The following RGL1 variants were observed in gnomAD, a reference collection of about 807,000 sequenced individuals.
The protein encoded by RGL1 is ral guanine nucleotide dissociation stimulator-like 1.
Under a neutral mutation model 95.2 loss-of-function variants are expected in RGL1, and 24 were observed. The observed-to-expected ratio is 0.25, with a 90% CI of 0.18 to 0.35. The LOEUF (loss-of-function observed/expected upper bound fraction) is 0.35, where lower values mean the gene tolerates loss of function less well. RGL1 is among the 10% of genes least tolerant of loss of function. RGL1 has a pLI of 1.00. For missense variants in RGL1, 715 were observed against 936.3 expected, an observed-to-expected ratio of 0.76 and a Z score of 3.08; for synonymous variants, 329 against 344.9, an observed-to-expected ratio of 0.95 and a Z score of 0.51.
chr1:183,704,336 G>GAA (rs1229324398), intron 1 of RGL1, among the ~76,000 whole-genome samples: 1 of 152,126 alleles, frequency 6.6e-6, no homozygotes, highest in Non-Finnish European at 1.5e-5. Context: ...GCACTATGTG[G>GAA]AATGCATAAT....
chr1:183,760,066 AAATTT>A (rs1402901061), intron 2 of RGL1, among the ~76,000 whole-genome samples: 1 of 152,146 alleles, frequency 6.6e-6, no homozygotes, highest in Non-Finnish European at 1.5e-5. Context: ...TAAGTCACAT[AAATTT>A]TTTTTTGTTT....
At position 183,891,212 on chromosome 1, in the gene RGL1, A is replaced by G. The variant is rs975792645; in HGVS notation, c.1056-865A>G. Among the ~76,000 whole-genome samples, 3 of 152,290 alleles carry G rather than the reference A, an allele frequency of 2.0e-5. No individual in the cohort carries two copies. In the South Asian group the frequency reaches 6.2e-4, roughly 32 times the overall value. On this transcript the variant is annotated intron_variant, in intron 8 of 17. Coordinates refer to ENST00000360851, the MANE Select transcript of RGL1 (RefSeq NM_001297671.3). Reference sequence around the variant, plus strand: ...GCTCTTAATAATGGTTTTTTTCATAATAATGAAAATGTTGCATATATAGTG... The same window carrying G: ...GCTCTTAATAATGGTTTTTTTCATAGTAATGAAAATGTTGCATATATAGTG...
At chr1:183,735,372 T>G (rs1656876512) in intron 1 of RGL1, among the ~76,000 whole-genome samples, 1 of 152,200 alleles carries the variant, frequency 6.6e-6, no homozygotes, top group Admixed American at 6.5e-5. Flanking sequence ...TGTTGAATGC[T>G]TAATTCCTTC....
At chr1:183,911,132 C>T (rs1668618850) in intron 14 of RGL1, among the ~76,000 whole-genome samples, 1 of 151,440 alleles carries the variant, frequency 6.6e-6, no homozygotes, top group Admixed American at 6.6e-5. Context: ...GCAAGATTTT[C>T]TTTTTTTTTA....
intron 1 of RGL1, among the ~76,000 whole-genome samples, chr1:183,666,622 G>A (rs529709378): frequency 5.9e-5 from 9 of 152,190 alleles, no homozygotes; most frequent in African/African-American, 2.2e-4. Flanking sequence ...ACAAAGTGCT[G>A]GGATTACAGG....
chr1:183,643,262 T>TTTTATTTATTTA (rs374025637), intron 1 of RGL1, among the ~76,000 whole-genome samples: 557 of 136,424 alleles, frequency 4.1e-3, no homozygotes, highest in Middle Eastern at 7.5e-3. Flanking sequence ...GGTCCTGTTT[T>TTTTATTTATTTA]TTTATTTATT....
chr1:183,800,529 G>T (rs1325154121), upstream of RGL1, among the ~76,000 whole-genome samples: 1 of 152,074 alleles, frequency 6.6e-6, no homozygotes, highest in Non-Finnish European at 1.5e-5. Context: ...CTTAAATATA[G>T]ATCTTCCCCT....
At chr1:183,829,549 G>C (rs192433586) in intron 2 of RGL1, among the ~76,000 whole-genome samples, 8 of 150,974 alleles carry the variant, frequency 5.3e-5, no homozygotes, top group African/African-American at 1.7e-4. Flanking sequence ...TTTTCATACA[G>C]TTCATTCTTC....
intron 2 of RGL1, among the ~76,000 whole-genome samples, chr1:183,780,179 T>C (rs555574151): frequency 6.6e-6 from 1 of 152,310 alleles, no homozygotes; most frequent in Admixed American, 6.5e-5. Context: ...GAAATGTGGG[T>C]TCATAATGTT....
chr1:183,784,608 C>T (rs781120046), intron 2 of RGL1, among the ~76,000 whole-genome samples: 3 of 152,142 alleles, frequency 2.0e-5, no homozygotes, highest in African/African-American at 4.8e-5. Context: ...GACTGACCTT[C>T]GACGCTGGGT....
chr1:183,906,932 A>G, intron 13 of RGL1, 80 bp from the exon 14 acceptor site: 1 of 825,342 alleles, frequency 1.2e-6, no homozygotes, highest in Admixed American at 2.0e-5. Flanking sequence ...CTCTAAAACA[A>G]AACCAGGACA....
chr1:183,796,900 T>A (rs1261750171), intron 2 of RGL1, among the ~76,000 whole-genome samples: 1 of 152,224 alleles, frequency 6.6e-6, no homozygotes, highest in Non-Finnish European at 1.5e-5. Flanking sequence ...TGGACAAATT[T>A]CTGGCTGGCT....
At chr1:183,775,227 G>A (rs539487362) in intron 2 of RGL1, among the ~76,000 whole-genome samples, 22 of 152,038 alleles carry the variant, frequency 1.4e-4, no homozygotes, top group East Asian at 3.9e-4. Flanking sequence ...CTGGTGTTTC[G>A]GTAACATATT....
At chr1:183,700,529 T>C (rs1654528259) in intron 1 of RGL1, among the ~76,000 whole-genome samples, 1 of 150,870 alleles carries the variant, frequency 6.6e-6, no homozygotes, top group Non-Finnish European at 1.5e-5. Context: ...GTTTGCTGCA[T>C]CTATCAACCT....
intron 4 of RGL1, among the ~76,000 whole-genome samples, chr1:183,871,860 A>G (rs969073495): frequency 3.3e-5 from 5 of 152,130 alleles, no homozygotes; most frequent in African/African-American, 1.2e-4. Context: ...CAATGTCAGG[A>G]CCCTCTAAAG....
At chr1:183,924,996 TTAAA>T (rs887506638) in intron 17 of RGL1, among the ~76,000 whole-genome samples, 8 of 151,886 alleles carry the variant, frequency 5.3e-5, no homozygotes, top group East Asian at 3.9e-4. Context: ...AATAAATAAC[TTAAA>T]TAAATAAAAT....
chr1:183,861,804 G>A (rs1399120174), intron 3 of RGL1, among the ~76,000 whole-genome samples: 2 of 152,134 alleles, frequency 1.3e-5, no homozygotes, highest in Non-Finnish European at 2.9e-5. Flanking sequence ...CTATTCTATG[G>A]CCATTAATTA....
intron 2 of RGL1, among the ~76,000 whole-genome samples, chr1:183,818,737 C>T (rs569280814): frequency 1.3e-5 from 2 of 152,212 alleles, no homozygotes; most frequent in South Asian, 2.1e-4. Flanking sequence ...ATTGTTTGGC[C>T]TTATCTTTAT....
intron 2 of RGL1, among the ~76,000 whole-genome samples, chr1:183,785,406 C>T (rs953864509): frequency 6.6e-6 from 1 of 152,200 alleles, no homozygotes; most frequent in African/African-American, 2.4e-5. Context: ...CAGCTGTAGG[C>T]ATACCTGACT....
Sources: allele counts gnomAD v4.1 joint callset (sites outside exome capture counted in the v4.1 genomes callset), GRCh38; gene constraint gnomAD v4.1.1; transcripts MANE v1.5; gene names NCBI Gene and HGNC (gene_info 2026-07-23, HGNC 2026-07-21).